ANTXR1: variants seen among roughly 807,000 people sequenced by gnomAD.
ANTXR1 encodes the protein ANTXR cell adhesion molecule 1, also known as anthrax toxin receptor 1.
Under a neutral mutation model 78.1 loss-of-function variants are expected in ANTXR1, and 19 were observed. The observed-to-expected ratio is 0.24, with a 90% confidence interval of 0.17 to 0.36. ANTXR1 has a LOEUF of 0.36. Among genes scored for constraint, ANTXR1 ranks in the 10% least tolerant of loss-of-function variants. The probability of loss-of-function intolerance (pLI) is 1.00; values close to 1 mark genes in which losing one functional copy is unlikely to be tolerated. For missense variants in ANTXR1, 518 were observed against 718.6 expected (o/e 0.72, Z 3.19); for synonymous variants, 273 against 260.5 (o/e 1.05, Z -0.46).
At chr2:69,205,714 G>A (rs1409448379) in intron 17 of ANTXR1, among the ~76,000 whole-genome samples, 2 of 151,606 alleles carry the variant, frequency 1.3e-5, no homozygotes, top group African/African-American at 2.4e-5. Flanking sequence ...AAACTTCATA[G>A]GAAACTGCAT....
intron 3 of ANTXR1, among the ~76,000 whole-genome samples, chr2:69,045,096 G>A (rs1166156462): frequency 2.0e-5 from 3 of 152,108 alleles, no homozygotes; most frequent in Non-Finnish European, 4.4e-5. Flanking sequence ...TGCTAACTTG[G>A]AGCGAAATGT....
chr2:69,236,022 C>T (rs1675755597), intron 17 of ANTXR1, among the ~76,000 whole-genome samples: 1 of 152,158 alleles, frequency 6.6e-6, no homozygotes, highest in Non-Finnish European at 1.5e-5. Context: ...AAACCATCAG[C>T]TCTCATGAAA....
chr2:69,073,122 G>T (rs1025091698), intron 6 of ANTXR1, 21 bp downstream of exon 6: 3 of 1,612,000 alleles, frequency 1.9e-6, no homozygotes, highest in Middle Eastern at 1.7e-4. Context: ...GCCTGGCTGT[G>T]TCTAAACATA....
chr2:69,227,493 T>C (rs1675485573), intron 17 of ANTXR1, among the ~76,000 whole-genome samples: 1 of 152,230 alleles, frequency 6.6e-6, no homozygotes. Context: ...AATAAAATAC[T>C]GTCATCAGAA....
chr2:69,050,229 G>T (rs1669889644), intron 3 of ANTXR1, among the ~76,000 whole-genome samples: 1 of 151,964 alleles, frequency 6.6e-6, no homozygotes, highest in South Asian at 2.1e-4. Flanking sequence ...GGCATGGGAG[G>T]TAAAGGCTGC....
At chr2:69,117,699 A>G (rs1368643500) in intron 10 of ANTXR1, among the ~76,000 whole-genome samples, 1 of 152,216 alleles carries the variant, frequency 6.6e-6, no homozygotes, top group Non-Finnish European at 1.5e-5. Context: ...ATAAAGAAGA[A>G]TAACATCTAC....
intron 17 of ANTXR1, among the ~76,000 whole-genome samples, chr2:69,219,384 GACACACACACACACAC>G (rs377200577): frequency 1.5e-5 from 2 of 132,224 alleles, no homozygotes; most frequent in African/African-American, 5.4e-5. Context: ...CCAGAAGGAG[GACACACACACACACAC>G]ACACACACAC....
chr2:69,155,449 T>C (rs536234553), intron 13 of ANTXR1, among the ~76,000 whole-genome samples: 141 of 152,310 alleles, frequency 9.3e-4, no homozygotes, highest in African/African-American at 3.2e-3. Context: ...AATAAAGTCC[T>C]GCCTCAGTTC....
intron 7 of ANTXR1, among the ~76,000 whole-genome samples, chr2:69,076,883 TCAGTTTCCTGCTACATAAAGCAGGAG>T (rs1290496738): frequency 6.6e-6 from 1 of 152,198 alleles, no homozygotes; most frequent in African/African-American, 2.4e-5. Flanking sequence ...CTCCTGGCCC[TCAGTTTCCTGCTACATAAAGCAGGAG>T]CAGCCAAACC....
At chr2:69,113,261 T>A (rs1008520221) in intron 10 of ANTXR1, among the ~76,000 whole-genome samples, 4 of 152,162 alleles carry the variant, frequency 2.6e-5, no homozygotes, top group Non-Finnish European at 5.9e-5. Flanking sequence ...TCAGTTTTCA[T>A]GTAAGGTGAC....
intron 13 of ANTXR1, among the ~76,000 whole-genome samples, chr2:69,163,981 TTA>T (rs2104444420): frequency 6.6e-6 from 1 of 152,342 alleles, no homozygotes; most frequent in South Asian, 2.1e-4. Context: ...GTTTTGCAGT[TTA>T]GTGATTTTAA....
At chr2:69,054,675 GA>G (rs1670019847) in intron 3 of ANTXR1, among the ~76,000 whole-genome samples, 1 of 152,140 alleles carries the variant, frequency 6.6e-6, no homozygotes, top group Admixed American at 6.5e-5. Context: ...TGTCACAGGG[GA>G]AAATGACATA....
chr2:69,073,894 A>G (rs536504877), intron 6 of ANTXR1, among the ~76,000 whole-genome samples: 1 of 152,372 alleles, frequency 6.6e-6, no homozygotes, highest in African/African-American at 2.4e-5. Context: ...ACAACATCCC[A>G]GAGATGCAGG....
intron 12 of ANTXR1, among the ~76,000 whole-genome samples, chr2:69,134,468 A>T (rs79244222): frequency 0.06 from 9,176 of 152,234 alleles, 355 homozygotes; most frequent in Middle Eastern, 0.082. Flanking sequence ...TGAGCTCGCT[A>T]TTATAGTTGC....
At chr2:69,080,345 T>C (rs530502974) in intron 8 of ANTXR1, among the ~76,000 whole-genome samples, 2 of 152,348 alleles carry the variant, frequency 1.3e-5, no homozygotes, top group South Asian at 4.2e-4. Context: ...CTGAAGCCTC[T>C]ATCCCAGCTT....
chr2:69,165,020 C>T (rs180755877), intron 13 of ANTXR1, among the ~76,000 whole-genome samples: 3 of 152,350 alleles, frequency 2.0e-5, no homozygotes, highest in African/African-American at 7.2e-5. Flanking sequence ...TCACAGTTCT[C>T]AAAGTGTGGT....
chr2:69,115,539 A>G (rs936465899), intron 10 of ANTXR1, among the ~76,000 whole-genome samples: 7 of 152,242 alleles, frequency 4.6e-5, no homozygotes, highest in African/African-American at 1.2e-4. Context: ...AATAGAGTGA[A>G]AAACCTTGCC....
intron 1 of ANTXR1, among the ~76,000 whole-genome samples, chr2:69,038,098 G>A (rs1669499172): frequency 6.6e-6 from 1 of 152,078 alleles, no homozygotes. Flanking sequence ...TTCACAGCCT[G>A]CACCAGCACA....
intron 1 of ANTXR1, among the ~76,000 whole-genome samples, chr2:69,015,221 AGTTT>A (rs1331034944): frequency 2.1e-5 from 3 of 145,672 alleles, no homozygotes; most frequent in Non-Finnish European, 4.5e-5. Flanking sequence ...GTTCTGAAAG[AGTTT>A]GTTTTGATGA....
Sources: allele counts gnomAD v4.1 joint callset (sites outside exome capture counted in the v4.1 genomes callset), GRCh38; gene constraint gnomAD v4.1.1; transcripts MANE v1.5; gene names NCBI Gene and HGNC (gene_info 2026-07-23, HGNC 2026-07-21).